Variants in CYP39A1 observed in about 807,000 individuals in gnomAD.
The protein encoded by CYP39A1 is 24-hydroxycholesterol 7-alpha-hydroxylase.
A neutral mutation model predicts 58.1 loss-of-function variants in CYP39A1; 49 were observed. The observed-to-expected ratio is 0.84, with a 90% confidence interval of 0.67 to 1.07. The LOEUF (loss-of-function observed/expected upper bound fraction) is 1.07. CYP39A1 is among the 50% of genes least tolerant of loss of function. The pLI is 0.00. For missense variants in CYP39A1, 531 were observed against 539.4 expected (o/e 0.98, Z 0.16); for synonymous variants, 209 against 187.6 (o/e 1.11, Z -0.93).
chr6:46,641,900 T>A (rs1776358826), intron 2 of CYP39A1, among the ~76,000 whole-genome samples: 1 of 152,196 alleles, frequency 6.6e-6, no homozygotes, highest in African/African-American at 2.4e-5. Flanking sequence ...ATTCCAAATA[T>A]TCTCTAAAGA....
chr6:46,576,494 C>T (rs1199643667), intron 10 of CYP39A1, among the ~76,000 whole-genome samples: 2 of 152,274 alleles, frequency 1.3e-5, no homozygotes, highest in East Asian at 3.9e-4. Flanking sequence ...AGTTCTCAAC[C>T]AGCCTGAAAT....
chr6:46,649,228 C>G (rs1244055178), intron 1 of CYP39A1, among the ~76,000 whole-genome samples: 1 of 152,208 alleles, frequency 6.6e-6, no homozygotes, highest in South Asian at 2.1e-4. Flanking sequence ...TGGCCAGGGC[C>G]TCCCTCTATT....
intron 5 of CYP39A1, among the ~76,000 whole-genome samples, chr6:46,633,775 T>C (rs906959130): frequency 1.3e-5 from 2 of 151,966 alleles, no homozygotes; most frequent in African/African-American, 4.8e-5. Flanking sequence ...GAGAATTGCT[T>C]GAACCTGGGA....
intron 8 of CYP39A1, among the ~76,000 whole-genome samples, chr6:46,592,492 A>C (rs1003117067): frequency 6.6e-6 from 1 of 152,220 alleles, no homozygotes; most frequent in African/African-American, 2.4e-5. Context: ...AGTAATGTAT[A>C]CAAGGATTTA....
intron 10 of CYP39A1, among the ~76,000 whole-genome samples, chr6:46,575,425 GCAAC>G (rs1771799133): frequency 6.6e-6 from 1 of 152,188 alleles, no homozygotes. Flanking sequence ...CTGCCTGGCT[GCAAC>G]CACATGCAGC....
intron 7 of CYP39A1, among the ~76,000 whole-genome samples, chr6:46,599,712 C>T (rs896847681): frequency 1.3e-5 from 2 of 152,084 alleles, no homozygotes; most frequent in African/African-American, 4.8e-5. Flanking sequence ...TATAAAATAC[C>T]ATCAGTGGGC....
At chr6:46,648,213 G>T (rs994032823) in intron 1 of CYP39A1, among the ~76,000 whole-genome samples, 1 of 152,050 alleles carries the variant, frequency 6.6e-6, no homozygotes, top group African/African-American at 2.4e-5. Context: ...ACATGCACAC[G>T]TATGTTTACT....
At chr6:46,597,707 G>T (rs971303796) in intron 7 of CYP39A1, among the ~76,000 whole-genome samples, 1 of 152,164 alleles carries the variant, frequency 6.6e-6, no homozygotes, top group Admixed American at 6.6e-5. Context: ...ATATGTGATG[G>T]AACAGTGAGA....
At chr6:46,651,779 A>G (rs1762711055) in intron 1 of CYP39A1, among the ~76,000 whole-genome samples, 1 of 152,196 alleles carries the variant, frequency 6.6e-6, no homozygotes, top group Non-Finnish European at 1.5e-5. Context: ...AATACCATAA[A>G]ATATTTGTGA....
chr6:46,639,781 A>G (rs1776217104), intron 2 of CYP39A1, 113 bp from the exon 3 acceptor site: 1 of 763,626 alleles, frequency 1.3e-6, no homozygotes. Context: ...TCCTCTCAGT[A>G]CATAAGGTCA....
At chr6:46,644,121 C>T (rs1157971826) in intron 1 of CYP39A1, among the ~76,000 whole-genome samples, 1 of 152,080 alleles carries the variant, frequency 6.6e-6, no homozygotes, top group Admixed American at 6.6e-5. Flanking sequence ...ATAGCCAGCC[C>T]CCACTGTTTC....
intron 7 of CYP39A1, among the ~76,000 whole-genome samples, chr6:46,617,601 C>A (rs752588417): frequency 7.9e-5 from 12 of 152,132 alleles, no homozygotes; most frequent in Non-Finnish European, 1.5e-4. Flanking sequence ...ATTCTAAGTA[C>A]AATTTTGAAA....
intron 7 of CYP39A1, among the ~76,000 whole-genome samples, chr6:46,600,085 G>T (rs1482186289): frequency 6.6e-6 from 1 of 151,720 alleles, no homozygotes; most frequent in Admixed American, 6.6e-5. Context: ...AGCATCTTTT[G>T]GTATTCATAC....
chr6:46,620,745 C>T (rs1026768094), intron 7 of CYP39A1, among the ~76,000 whole-genome samples: 1 of 152,132 alleles, frequency 6.6e-6, no homozygotes, highest in Non-Finnish European at 1.5e-5. Context: ...CCAACATGCA[C>T]ACACAGTCCC....
At chr6:46,650,726 G>GGCT (rs1434129036) in intron 1 of CYP39A1, among the ~76,000 whole-genome samples, 6 of 151,430 alleles carry the variant, frequency 4.0e-5, no homozygotes, top group African/African-American at 1.5e-4. Flanking sequence ...ATATCTCCCG[G>GGCT]GCTGGTCTTA....
At chr6:46,564,904 T>C (rs990444065) in intron 10 of CYP39A1, among the ~76,000 whole-genome samples, 7 of 152,206 alleles carry the variant, frequency 4.6e-5, no homozygotes, top group Non-Finnish European at 1.0e-4. Context: ...GCATCATTCA[T>C]TGAAGCGCAG....
At chr6:46,625,366 G>T in intron 7 of CYP39A1, 52 bp downstream of exon 7, 2 of 1,271,778 alleles carry the variant, frequency 1.6e-6, no homozygotes, top group Non-Finnish European at 2.2e-6. Flanking sequence ...CCAATAATGT[G>T]TGACAAACAT....
chr6:46,616,152 C>A (rs1470601357), intron 7 of CYP39A1, among the ~76,000 whole-genome samples: 1 of 7,610 alleles, frequency 1.3e-4, no homozygotes, highest in African/African-American at 5.1e-4. Flanking sequence ...TTCTTTCTTT[C>A]TTTCTTTCTT....
intron 8 of CYP39A1, among the ~76,000 whole-genome samples, chr6:46,590,827 A>T (rs1449688373): frequency 6.6e-6 from 1 of 152,066 alleles, no homozygotes; most frequent in South Asian, 2.1e-4. Flanking sequence ...TAACTTCATA[A>T]CCTGTTTTCC....
Sources: gnomAD v4.1 joint callset for allele counts (sites outside exome capture counted in the v4.1 genomes callset) on GRCh38, gnomAD v4.1.1 for gene constraint, MANE v1.5 for transcripts, NCBI Gene and HGNC (gene_info 2026-07-23, HGNC 2026-07-21) for gene names.